The following VWA5B1 variants were observed in gnomAD, a reference collection of about 807,000 sequenced individuals.
VWA5B1 encodes the protein von Willebrand factor A domain-containing protein 5B1.
VWA5B1 carries 115 observed loss-of-function variants against 118.2 expected under a neutral mutation model. The ratio of observed to expected loss-of-function variants is 0.97; its 90% CI spans 0.84 to 1.14. The LOEUF (loss-of-function observed/expected upper bound fraction) is 1.14. Among genes scored for constraint, VWA5B1 ranks in the 50% most tolerant of loss-of-function variants. The pLI is 0.00. For synonymous variants in VWA5B1, 682 were observed against 658.4 expected, an observed-to-expected ratio of 1.04 and a Z score of -0.55; for missense variants, 1,596 against 1,603.8, an observed-to-expected ratio of 1.00 and a Z score of 0.08.
At chr1:20,304,595 T>C (rs1227513799) in intron 1 of VWA5B1, among the ~76,000 whole-genome samples, 1 of 149,986 alleles carries the variant, frequency 6.7e-6, no homozygotes, top group Admixed American at 6.6e-5. Flanking sequence ...GTGTGTGTGG[T>C]GACAGAGGGG....
intron 1 of VWA5B1, among the ~76,000 whole-genome samples, chr1:20,291,359 T>TTCTTTCTTTCTCTC (rs1381113890): frequency 7.7e-5 from 8 of 103,342 alleles, no homozygotes; most frequent in African/African-American, 2.5e-4. Flanking sequence ...CTTTCTTTCT[T>TTCTTTCTTTCTCTC]TCTCTCTCTC....
At chr1:20,317,383 G>A (rs1413241381) in intron 4 of VWA5B1, 147 bp from the exon 5 acceptor site, 8 of 1,078,752 alleles carry the variant, frequency 7.4e-6, no homozygotes, top group Non-Finnish European at 1.0e-5. Context: ...CTCTCCCTGG[G>A]GTCAGGTTGA....
At chr1:20,322,103 T>C (rs1215094468) in intron 7 of VWA5B1, among the ~76,000 whole-genome samples, 1 of 151,926 alleles carries the variant, frequency 6.6e-6, no homozygotes, top group African/African-American at 2.4e-5. Flanking sequence ...GTCAGAGAGA[T>C]GTGGACGCGT....
chr1:20,343,438 G>A, intron 16 of VWA5B1, 45 bp downstream of exon 16: 1 of 1,469,846 alleles, frequency 6.8e-7, no homozygotes, highest in Non-Finnish European at 9.0e-7. Context: ...GGCCTCCGGA[G>A]GACAGCCCCG....
At position 20,312,922 on chromosome 1, in the gene VWA5B1, A is replaced by G; in HGVS notation, c.226A>G (p.Lys76Glu). The G allele has an allele frequency of 1.3e-6, 2 of 1,551,720 alleles. No individual in the cohort carries two copies. The highest frequency in any genetic ancestry group is 1.7e-4 in the Middle Eastern group (1 of 5,992). ...IADRVVTVQI[K>E]DKAKLESGHF... is the part of the protein sequence containing the mutation. Reference sequence around the variant, plus strand: ...CGACCGTGTCGTGACAGTACAGATCAAGGACAAAGCCAAGCTGGAGAGCGG... The same window carrying G: ...CGACCGTGTCGTGACAGTACAGATCGAGGACAAAGCCAAGCTGGAGAGCGG... The change falls in exon 3 of 22, where the codon AAG becomes GAG. Residue 76 changes from lysine to glutamate, a missense_variant. Transcript: ENST00000289815.
intron 1 of VWA5B1, among the ~76,000 whole-genome samples, chr1:20,306,716 G>C (rs2088666349): frequency 1.3e-5 from 2 of 152,092 alleles, no homozygotes; most frequent in African/African-American, 4.8e-5. Flanking sequence ...GCAACCATTT[G>C]GGATTTAGCA....
intron 6 of VWA5B1, among the ~76,000 whole-genome samples, chr1:20,319,172 G>A (rs1194868259): frequency 1.3e-5 from 2 of 152,128 alleles, no homozygotes; most frequent in Non-Finnish European, 2.9e-5. Context: ...CCCAGAGAGG[G>A]GCAGTGAGTC....
Position 20,304,553 on chromosome 1 carries a change from G to GTGTGTGTGTGTGTGCACGTGCGTGCA in VWA5B1, c.-26-6008_-26-5983dup, listed in dbSNP as rs1349489182. ...GCCATTACGCTAAGGAAAAATGGAGGTGTGTGTGTGTGTGCACGTGCGTGC... is the reference window on the plus strand; with the variant it reads ...GCCATTACGCTAAGGAAAAATGGAGGTGTGTGTGTGTGTGCACGTGCGTGCATGTGTGTGTGTGTGCACGTGCGTGC... On this transcript the variant is annotated intron_variant, in intron 1 of 21. Transcript: ENST00000289815. Among the ~76,000 whole-genome samples the GTGTGTGTGTGTGTGCACGTGCGTGCA allele has an allele frequency of 4.3e-3, 647 of 151,814 alleles. 3 individuals are homozygous for GTGTGTGTGTGTGTGCACGTGCGTGCA. Among genetic ancestry groups the GTGTGTGTGTGTGTGCACGTGCGTGCA allele is most frequent in the Middle Eastern group, 0.014 (4 of 292 alleles).
At chr1:20,306,820 C>T (rs2088670206) in intron 1 of VWA5B1, among the ~76,000 whole-genome samples, 2 of 152,206 alleles carry the variant, frequency 1.3e-5, no homozygotes, top group African/African-American at 2.4e-5. Flanking sequence ...TTGGACCCAA[C>T]ATTTCATCAG....
intron 7 of VWA5B1, chr1:20,323,071 A>G (rs556417633): frequency 7.5e-6 from 2 of 268,006 alleles, no homozygotes; most frequent in East Asian, 1.3e-4. Flanking sequence ...CCATTTTACA[A>G]ATGGGTAAAT....
rs952852195 is a variant in VWA5B1, at chr1:20,351,660, T to A, written c.3024-395T>A. Among the ~76,000 whole-genome samples the A allele has an allele frequency of 1.1e-4, 16 of 151,630 alleles. No individual in the cohort carries two copies. In the East Asian group the frequency reaches 1.2e-3, roughly 11 times the overall value. ...GAGCAAGACTCCATCTCAAAAAAAA[T>A]AAAAAATAAAAAATTAGCCAGACAT... On this transcript the variant is annotated intron_variant, in intron 20 of 21. Transcript: ENST00000289815.
intron 1 of VWA5B1, among the ~76,000 whole-genome samples, chr1:20,300,652 A>T (rs778807927): frequency 1.3e-5 from 2 of 152,154 alleles, no homozygotes; most frequent in Non-Finnish European, 2.9e-5. Context: ...TCTTGATAGG[A>T]TTGTCCTGAG....
intron 1 of VWA5B1, among the ~76,000 whole-genome samples, chr1:20,309,903 T>G (rs1045301552): frequency 8.9e-6 from 1 of 111,946 alleles, no homozygotes; most frequent in Non-Finnish European, 1.8e-5. Context: ...TGGCGATGGA[T>G]TGGCTGTGTG....
At chr1:20,341,249 C>A (rs2089867751) in intron 14 of VWA5B1, among the ~76,000 whole-genome samples, 1 of 152,202 alleles carries the variant, frequency 6.6e-6, no homozygotes, top group Non-Finnish European at 1.5e-5. Flanking sequence ...CATTTACAAA[C>A]AATACTGCAA....
At chr1:20,311,464 G>A (rs560827331) in intron 2 of VWA5B1, among the ~76,000 whole-genome samples, 314 of 152,358 alleles carry the variant, frequency 2.1e-3, no homozygotes, top group Admixed American at 5.6e-3. Context: ...CCTCTCTGCT[G>A]TCCAGATGCC....
intron 1 of VWA5B1, among the ~76,000 whole-genome samples, chr1:20,295,701 G>A (rs994343697): frequency 6.6e-6 from 1 of 152,202 alleles, no homozygotes; most frequent in African/African-American, 2.4e-5. Flanking sequence ...GCAGGCAGCT[G>A]GAGTGATGGT....
intron 1 of VWA5B1, among the ~76,000 whole-genome samples, chr1:20,300,563 T>A (rs79534897): frequency 0.018 from 2,681 of 152,286 alleles, 34 homozygotes; most frequent in Middle Eastern, 0.037. Flanking sequence ...CACTTACAAG[T>A]GTATTACCTT....
chr1:20,348,112 C>A, intron 17 of VWA5B1, 133 bp from the exon 18 acceptor site: 1 of 853,898 alleles, frequency 1.2e-6, no homozygotes, highest in Non-Finnish European at 1.9e-6. Flanking sequence ...TATGGTCTTA[C>A]CCTGTACAAC....
Position 20,337,837 on chromosome 1 carries a change from G to T in VWA5B1, c.2133+1G>T. The T allele has an allele frequency of 6.4e-7, 1 of 1,551,648 alleles. No homozygotes were observed. Among genetic ancestry groups the T allele is most frequent in the Non-Finnish European group, 8.7e-7 (1 of 1,146,928 alleles). On this transcript the variant is annotated splice_donor_variant, in intron 14 of 21. Transcript: ENST00000289815. LOFTEE classifies it high-confidence loss of function. Reference sequence around the variant, plus strand: ...CCAGCGGTGGCAGATTGATTTGCAGGTACCCAAGCAGGACAGATTAGGGAG... The same window carrying T: ...CCAGCGGTGGCAGATTGATTTGCAGTTACCCAAGCAGGACAGATTAGGGAG...
Sources: gnomAD v4.1 joint callset for allele counts (sites outside exome capture counted in the v4.1 genomes callset) on GRCh38, gnomAD v4.1.1 for gene constraint, MANE v1.5 for transcripts, NCBI Gene and HGNC (gene_info 2026-07-23, HGNC 2026-07-21) for gene names.